Variants in ADK observed in about 807,000 individuals in gnomAD.
ADK encodes the protein N6,N6-dimethyladenosine kinase.
A neutral mutation model predicts 44.7 loss-of-function variants in ADK; 24 were observed. The ratio of observed to expected loss-of-function variants is 0.54; its 90% CI spans 0.39 to 0.76. The LOEUF is 0.76. ADK is among the 30% of genes least tolerant of loss of function. ADK has a pLI of 0.00. For synonymous variants in ADK, 128 were observed against 142.6 expected (o/e 0.90, Z 0.73); for missense variants, 321 against 425.1 (o/e 0.76, Z 2.15).
chr10:74,452,708 C>T (rs1845817731), intron 6 of ADK, among the ~76,000 whole-genome samples: 1 of 151,934 alleles, frequency 6.6e-6, no homozygotes, highest in Non-Finnish European at 1.5e-5. Flanking sequence ...TGTGGGTGAA[C>T]ATTTCCCTAT....
At chr10:74,331,481 CTATT>C (rs940016320) in intron 4 of ADK, among the ~76,000 whole-genome samples, 1 of 152,018 alleles carries the variant, frequency 6.6e-6, no homozygotes, top group Non-Finnish European at 1.5e-5. Flanking sequence ...GTCTACATTT[CTATT>C]TATTTATTTA....
At chr10:74,185,521 A>ATT (rs11368451) in intron 1 of ADK, among the ~76,000 whole-genome samples, 9,510 of 144,760 alleles carry the variant, frequency 0.066, 1,069 homozygotes, top group African/African-American at 0.23. Context: ...CAACAATATA[A>ATT]TTTTTTTTTT....
chr10:74,223,084 T>C (rs190453567), intron 2 of ADK, among the ~76,000 whole-genome samples: 1 of 152,176 alleles, frequency 6.6e-6, no homozygotes, highest in East Asian at 1.9e-4. Flanking sequence ...TGAAACTGGG[T>C]ATTTTATAAG....
At position 74,343,854 on chromosome 10, in the gene ADK, C is replaced by T. The variant is rs1222240387; in HGVS notation, c.273+29109C>T. Among the ~76,000 whole-genome samples the T allele has an allele frequency of 2.0e-5, 3 of 152,152 alleles. No individual in the cohort carries two copies. The East Asian group carries it at 5.8e-4, about 29-fold the overall frequency. ...TAATTCCTGACCTCTTGTGATCCAC[C>T]CGCCTTGGCCTCCCAAAATGCGAGA... On this transcript the variant is annotated intron_variant, in intron 4 of 10. Transcript: ENST00000539909.
intron 6 of ADK, chr10:74,506,156 T>A (rs907016163): frequency 6.5e-6 from 1 of 154,708 alleles, no homozygotes; most frequent in African/African-American, 2.4e-5. Context: ...GTACTCACAT[T>A]GTATTTTAAA....
chr10:74,640,778 C>A (rs554279493), intron 9 of ADK, among the ~76,000 whole-genome samples: 1 of 152,180 alleles, frequency 6.6e-6, no homozygotes, highest in East Asian at 1.9e-4. Flanking sequence ...AGGCAGCTAG[C>A]CAGATTTGGC....
At chr10:74,524,410 A>T (rs1448423022) in intron 6 of ADK, among the ~76,000 whole-genome samples, 1 of 152,180 alleles carries the variant, frequency 6.6e-6, no homozygotes, top group Non-Finnish European at 1.5e-5. Flanking sequence ...TGATTGATAT[A>T]GAGACAAGGT....
chr10:74,499,929 G>A (rs1429182194), intron 6 of ADK, among the ~76,000 whole-genome samples: 1 of 152,122 alleles, frequency 6.6e-6, no homozygotes, highest in African/African-American at 2.4e-5. Context: ...GAGTGAGCAG[G>A]TAGATAAGTC....
At chr10:74,235,803 A>G (rs1293840658) in intron 3 of ADK, among the ~76,000 whole-genome samples, 2 of 152,206 alleles carry the variant, frequency 1.3e-5, no homozygotes, top group African/African-American at 4.8e-5. Flanking sequence ...TAAGAGGTGG[A>G]GGCCTTTAAG....
intron 3 of ADK, among the ~76,000 whole-genome samples, chr10:74,254,474 T>G (rs1845754260): frequency 6.6e-6 from 1 of 152,090 alleles, no homozygotes; most frequent in East Asian, 1.9e-4. Context: ...CCTCTTTTTT[T>G]TATTTCCTCA....
intron 3 of ADK, among the ~76,000 whole-genome samples, chr10:74,300,259 TTTCCTTCCTTCCTTCCTTCC>T (rs1158122190): frequency 0.015 from 914 of 60,890 alleles, 35 homozygotes; most frequent in African/African-American, 0.043. Flanking sequence ...TCTCTCCTTG[TTTCCTTCCTTCCTTCCTTCC>T]TTCCTTCCTT....
chr10:74,461,250 A>G (rs1846163421), intron 6 of ADK, among the ~76,000 whole-genome samples: 1 of 152,130 alleles, frequency 6.6e-6, no homozygotes, highest in African/African-American at 2.4e-5. Flanking sequence ...AGCAATAAAT[A>G]TAGTTCTTGC....
intron 7 of ADK, among the ~76,000 whole-genome samples, chr10:74,545,978 T>G (rs1849806821): frequency 6.6e-6 from 1 of 152,198 alleles, no homozygotes; most frequent in African/African-American, 2.4e-5. Flanking sequence ...TTTCTTTCTC[T>G]TAGCAAGGTA....
chr10:74,276,350 G>A lies in ADK; in HGVS notation c.195-38317G>A, dbSNP rs544821341. On this transcript the variant is annotated intron_variant, in intron 3 of 10. Transcript: ENST00000539909. The stretch of plus-strand genomic sequence containing the variant: ...GTAAAGCTCTCCTTTCTACTACGTA[G>A]CTTCTGGTTATCTTTTGGATGACAG... Among the ~76,000 whole-genome samples the A allele has an allele frequency of 4.6e-5, 7 of 152,280 alleles. No individual in the cohort carries two copies. The South Asian group carries it at 8.3e-4, about 18-fold the overall frequency.
At chr10:74,185,676 C>T (rs1358224528) in intron 1 of ADK, among the ~76,000 whole-genome samples, 1 of 143,718 alleles carries the variant, frequency 7.0e-6, no homozygotes, top group Non-Finnish European at 1.5e-5. Context: ...ACTAAAAATA[C>T]AAAAAAAAAA....
intron 6 of ADK, among the ~76,000 whole-genome samples, chr10:74,427,937 C>T (rs531832748): frequency 4.4e-4 from 67 of 152,176 alleles, no homozygotes; most frequent in African/African-American, 1.3e-3. Flanking sequence ...AGCTCCAAAC[C>T]GAAGGTGTTT....
At chr10:74,406,528 A>ATACTCC in intron 6 of ADK, among the ~76,000 whole-genome samples, 1 of 18,478 alleles carries the variant, frequency 5.4e-5, no homozygotes, top group Admixed American at 5.5e-4. Context: ...AATAATAATA[A>ATACTCC]GAAGAAGAAG....
intron 1 of ADK, among the ~76,000 whole-genome samples, chr10:74,194,344 G>T (rs1397261483): frequency 6.6e-6 from 1 of 152,138 alleles, no homozygotes; most frequent in African/African-American, 2.4e-5. Context: ...TTATCTTAGT[G>T]TGCACATTTC....
intron 6 of ADK, among the ~76,000 whole-genome samples, chr10:74,458,512 C>G (rs1320857259): frequency 1.3e-5 from 2 of 151,952 alleles, no homozygotes; most frequent in Non-Finnish European, 2.9e-5. Context: ...CTTCAGATAT[C>G]ACCTAGTTGT....
Sources: allele counts gnomAD v4.1 joint callset (sites outside exome capture counted in the v4.1 genomes callset), GRCh38; gene constraint gnomAD v4.1.1; transcripts MANE v1.5; gene names NCBI Gene and HGNC (gene_info 2026-07-23, HGNC 2026-07-21).